Variants in GRK1 observed in about 807,000 individuals in gnomAD.
The protein encoded by GRK1 is G protein-coupled receptor kinase 1.
In GRK1, 28 loss-of-function variants were observed where a neutral mutation model predicts 41.7. The observed-to-expected ratio is 0.67, with a 90% CI of 0.50 to 0.92. The LOEUF (loss-of-function observed/expected upper bound fraction) is 0.92. Ranked by LOEUF, GRK1 falls within the 40% of genes least tolerant of loss-of-function variation. The pLI, the probability that GRK1 is intolerant of heterozygous loss-of-function variation, is 0.00. For synonymous variants in GRK1, 327 were observed against 286.7 expected, an observed-to-expected ratio of 1.14 and a Z score of -1.42; for missense variants, 703 against 671.2, an observed-to-expected ratio of 1.05 and a Z score of -0.52.
the GRK1 span, chr13:113,658,291 T>TGAG: frequency 2.7e-6 from 2 of 751,794 alleles, no homozygotes; most frequent in Non-Finnish European, 4.2e-6. Context: ...GCCAGGGCCG[T>TGAG]TTATCAGCGC....
At chr13:113,733,827 G>T (rs1198168010) in intron 6 of GRK1, among the ~76,000 whole-genome samples, 1 of 146,078 alleles carries the variant, frequency 6.8e-6, no homozygotes. Context: ...GTGTGCGTGT[G>T]TGTGCACGTG....
chr13:113,667,202 G>C, upstream of GRK1: 1 of 599,538 alleles, frequency 1.7e-6, no homozygotes, highest in South Asian at 2.4e-5. The surrounding 1 kb of genome is among the most constrained non-coding windows in gnomAD (Gnocchi z 7.5). Flanking sequence ...TCAGCCCCGG[G>C]CTCCCAGGGG....
At chr13:113,657,932 T>C in the GRK1 span, 2 of 972,018 alleles carry the variant, frequency 2.1e-6, no homozygotes, top group Non-Finnish European at 3.0e-6. Flanking sequence ...GGGGTCTCAC[T>C]GTCAGGGGCC....
rs999117643 is a variant in GRK1, at chr13:113,731,701, C to T, written c.1194+358C>T. On this transcript the variant is annotated intron_variant, in intron 5 of 6. Transcript: ENST00000335678. The surrounding 1 kb of genome is among the most constrained non-coding windows in gnomAD (Gnocchi z 5.6). ...GACCGGAGGAGGGAGGGCGACTTAT[C>T]CCACTGTTGCCCCAGACCCTGGGCA... Among the ~76,000 whole-genome samples the T allele has an allele frequency of 2.6e-5, 4 of 152,272 alleles. No individual in the cohort carries two copies. Among genetic ancestry groups the T allele is most frequent in the South Asian group, 2.1e-4 (1 of 4,830 alleles).
intron 6 of GRK1, among the ~76,000 whole-genome samples, chr13:113,734,169 G>A (rs1288766773): frequency 6.6e-6 from 1 of 152,170 alleles, no homozygotes; most frequent in Admixed American, 6.5e-5. Context: ...CGTGCAGTGT[G>A]ACTAACTTAG....
chr13:113,658,329 G>C, the GRK1 span: 1 of 613,840 alleles, frequency 1.6e-6, no homozygotes, highest in Non-Finnish European at 2.8e-6. Flanking sequence ...AACACCAGGG[G>C]CTGGGTGCAG....
At chr13:113,658,079 C>T in the GRK1 span, 41 of 1,611,756 alleles carry the variant, frequency 2.5e-5, no homozygotes, top group Non-Finnish European at 3.3e-5. Context: ...TGTCCGGGTT[C>T]CAGCAGTAAC....
chr13:113,733,096 A>G lies in GRK1; in HGVS notation c.1396+11A>G. 2.0e-6 allele frequency: 3 copies of G among 1,533,492 alleles called. No homozygotes were observed. Among genetic ancestry groups the G allele is most frequent in the African/African-American group, 1.4e-5 (1 of 73,080 alleles). 95.0% of individuals were successfully genotyped at this position (1,533,492 alleles called of 1,614,324 possible). ...GGCAGCTGGAGGCTGGTACTGTTGGACGCCTCAGCCCCGGAGAGGGTGGGG... is the reference window on the plus strand; with the variant it reads ...GGCAGCTGGAGGCTGGTACTGTTGGGCGCCTCAGCCCCGGAGAGGGTGGGG... On this transcript the variant is annotated intron_variant, in intron 6 of 6. Transcript: ENST00000335678.
At chr13:113,650,284 G>C in the GRK1 span, 18 of 917,962 alleles carry the variant, frequency 2.0e-5, no homozygotes, top group South Asian at 2.4e-4. This position sits in a 1 kb window ranked among gnomAD's most constrained non-coding sequence, Gnocchi z 5.0. Flanking sequence ...GTTCCAGTCA[G>C]GACCGGCTAA....
At chr13:113,652,232 C>T in the GRK1 span, among the ~76,000 whole-genome samples, 2 of 152,236 alleles carry the variant, frequency 1.3e-5, no homozygotes, top group East Asian at 1.9e-4. Flanking sequence ...GTGGCCACCA[C>T]GCCCTGCTGG....
intron 5 of GRK1, 63 bp from the exon 6 acceptor site, chr13:113,732,821 G>A (rs1043569185): frequency 4.0e-6 from 6 of 1,516,694 alleles, no homozygotes; most frequent in African/African-American, 1.4e-5. Flanking sequence ...AGGAGCTGTG[G>A]TCTGGTCTGA....
At chr13:113,650,079 C>T in the GRK1 span, among the ~76,000 whole-genome samples, 2 of 151,670 alleles carry the variant, frequency 1.3e-5, no homozygotes, top group African/African-American at 2.4e-5. This position sits in a 1 kb window ranked among gnomAD's most constrained non-coding sequence, Gnocchi z 5.0. Flanking sequence ...GGGAGGATCA[C>T]TTGAGCCCAG....
At chr13:113,669,497 T>G in intron 1 of GRK1, 190 bp from the exon 2 acceptor site, 1 of 191,732 alleles carries the variant, frequency 5.2e-6, no homozygotes, top group Non-Finnish European at 9.6e-6. Context: ...CATGTCTGGT[T>G]TTCTGAAATG....
At chr13:113,652,889 A>G in the GRK1 span, 2 of 1,614,090 alleles carry the variant, frequency 1.2e-6, no homozygotes, top group Admixed American at 3.3e-5. Context: ...CATTTTAATA[A>G]TAAAACATGG....
At chr13:113,665,401 T>C (rs113800355), upstream of GRK1, among the ~76,000 whole-genome samples, 423 of 138,354 alleles carry the variant, frequency 3.1e-3, 2 homozygotes, top group South Asian at 0.018. Context: ...CCCAGCTGTC[T>C]CAGATGTGCC....
the GRK1 span, among the ~76,000 whole-genome samples, chr13:113,657,483 CG>C: frequency 6.6e-6 from 1 of 152,220 alleles, no homozygotes; most frequent in Non-Finnish European, 1.5e-5. Flanking sequence ...CCAGGCTGCC[CG>C]CGCCTCTGTG....
At chr13:113,651,090 C>G in the GRK1 span, among the ~76,000 whole-genome samples, 34,734 of 151,806 alleles carry the variant, frequency 0.23, 4,625 homozygotes, top group Admixed American at 0.33. Flanking sequence ...GTGAGGTTCC[C>G]TCGGACACCC....
rs2049999805 is a variant in GRK1, at chr13:113,735,773, G to C, written c.*410G>C. 6.3e-6 allele frequency: 1 copy of C among 158,230 alleles called. No individual in the cohort carries two copies. The highest frequency in any genetic ancestry group is 1.4e-5 in the Non-Finnish European group (1 of 72,298). The allele number at this position is 158,230 out of a possible 1,614,324, so 9.8% of individuals were successfully genotyped here. ...GCTTCCCAGAGCCACGCTCCTCAGC[G>C]GGAGGTGCACGGTGGCCAGGTCAGG... is the stretch of plus-strand genomic sequence containing the variant. On this transcript the variant is annotated 3_prime_UTR_variant, in exon 7 of 7. Coordinates refer to ENST00000335678, the MANE Select transcript of GRK1 (RefSeq NM_002929.3).
the GRK1 span, chr13:113,650,608 G>T: frequency 8.3e-5 from 69 of 834,522 alleles, no homozygotes; most frequent in East Asian, 1.5e-3. The surrounding 1 kb of genome is among the most constrained non-coding windows in gnomAD (Gnocchi z 5.0). Context: ...CGCTGTGTAG[G>T]TGCTTGCATA....
Sources: allele counts gnomAD v4.1 joint callset (sites outside exome capture counted in the v4.1 genomes callset), GRCh38; gene constraint gnomAD v4.1.1; non-coding constraint Gnocchi (gnomAD v3.1); transcripts MANE v1.5; gene names NCBI Gene and HGNC (gene_info 2026-07-23, HGNC 2026-07-21).